Variants in BMPR1B observed in about 807,000 individuals in gnomAD.
BMPR1B encodes bone morphogenetic protein receptor type 1B, also known as bone morphogenetic protein receptor type-1B.
A neutral mutation model predicts 59.1 loss-of-function variants in BMPR1B; 12 were observed. The observed-to-expected ratio is 0.20, with a 90% CI of 0.13 to 0.33. The LOEUF is 0.33. Ranked by LOEUF, BMPR1B falls within the 10% of genes least tolerant of loss-of-function variation. The pLI is 1.00. For synonymous variants in BMPR1B, 237 were observed against 207.3 expected (o/e 1.14, Z -1.23); for missense variants, 550 against 610.9 (o/e 0.90, Z 1.05).
chr4:94,970,276 CT>C, intron 2 of BMPR1B, among the ~76,000 whole-genome samples: 2 of 114,812 alleles, frequency 1.7e-5, no homozygotes, highest in African/African-American at 3.2e-5. Context: ...CTTCTCTTCT[CT>C]TCTCTTCTCT....
chr4:94,987,062 AAT>A lies in BMPR1B; in HGVS notation c.-112-8972_-112-8971del, dbSNP rs1395939190. On this transcript the variant is annotated intron_variant, in intron 2 of 12. Coordinates refer to ENST00000515059, the MANE Select transcript of BMPR1B (RefSeq NM_001203.3). Reference sequence around the variant, plus strand: ...TCTCAAAAAAAATATATATATATATAATATATAATATTTATGTTATATATGTA... The same window carrying A: ...TCTCAAAAAAAATATATATATATATAATATAATATTTATGTTATATATGTA... Among the ~76,000 whole-genome samples the A allele has an allele frequency of 2.5e-4, 37 of 146,008 alleles. No individual in the cohort carries two copies. In the South Asian group the frequency reaches 7.2e-3, roughly 28 times the overall value.
intron 3 of BMPR1B, among the ~76,000 whole-genome samples, chr4:95,015,579 G>A (rs182770639): frequency 4.8e-4 from 73 of 152,088 alleles, no homozygotes; most frequent in African/African-American, 1.6e-3. Flanking sequence ...TAGAGATAGG[G>A]TCTCACTGTG....
At chr4:95,046,125 G>A (rs570684062) in intron 3 of BMPR1B, among the ~76,000 whole-genome samples, 14 of 151,806 alleles carry the variant, frequency 9.2e-5, no homozygotes, top group Admixed American at 2.0e-4. Context: ...GGCTAGTCTC[G>A]AACCCCTGGG....
At chr4:95,056,377 A>G (rs919126357) in intron 3 of BMPR1B, among the ~76,000 whole-genome samples, 1 of 152,182 alleles carries the variant, frequency 6.6e-6, no homozygotes, top group Admixed American at 6.5e-5. Flanking sequence ...ACTCTGCTTG[A>G]TACTATCTCT....
At chr4:95,043,161 G>A (rs995467675) in intron 3 of BMPR1B, among the ~76,000 whole-genome samples, 2 of 111,280 alleles carry the variant, frequency 1.8e-5, no homozygotes, top group Non-Finnish European at 3.3e-5. Context: ...CGGCCTGGGC[G>A]ACAGAGCGAG....
intron 3 of BMPR1B, among the ~76,000 whole-genome samples, chr4:95,094,426 A>AGGTTTTCAGCT (rs1730219833): frequency 6.6e-6 from 1 of 152,072 alleles, no homozygotes; most frequent in Non-Finnish European, 1.5e-5. Context: ...GGAAAAGATA[A>AGGTTTTCAGCT]TAGGGGAGAA....
At chr4:95,090,162 T>C (rs924331047) in intron 3 of BMPR1B, among the ~76,000 whole-genome samples, 1 of 152,086 alleles carries the variant, frequency 6.6e-6, no homozygotes, top group Non-Finnish European at 1.5e-5. Flanking sequence ...ATACATATCC[T>C]ATGCATATTT....
At chr4:94,850,623 T>C (rs750545173) in intron 1 of BMPR1B, among the ~76,000 whole-genome samples, 2 of 152,198 alleles carry the variant, frequency 1.3e-5, no homozygotes, top group African/African-American at 4.8e-5. Flanking sequence ...ATTGAATTTC[T>C]ATCCTTCATC....
intron 3 of BMPR1B, among the ~76,000 whole-genome samples, chr4:95,042,914 G>A (rs368894064): frequency 2.0e-5 from 3 of 152,028 alleles, no homozygotes; most frequent in Admixed American, 6.5e-5. Flanking sequence ...GGTGGCTCAC[G>A]CCTGTAATCC....
chr4:94,995,438 C>T (rs1721998208), intron 2 of BMPR1B, among the ~76,000 whole-genome samples: 1 of 151,992 alleles, frequency 6.6e-6, no homozygotes, highest in African/African-American at 2.4e-5. Flanking sequence ...CATTGAGAAG[C>T]AATATTAAAA....
intron 1 of BMPR1B, among the ~76,000 whole-genome samples, chr4:94,810,270 A>G (rs767483413): frequency 5.9e-5 from 9 of 152,238 alleles, no homozygotes; most frequent in Admixed American, 1.3e-4. Flanking sequence ...TATTGGCTAT[A>G]TCCTGTCTTT....
chr4:95,040,081 C>T (rs1192006593), intron 3 of BMPR1B, among the ~76,000 whole-genome samples: 2 of 151,746 alleles, frequency 1.3e-5, no homozygotes, highest in Non-Finnish European at 2.9e-5. Flanking sequence ...ACTGATATTT[C>T]GTAGCACTGT....
chr4:94,835,980 A>G (rs185430262), intron 1 of BMPR1B, among the ~76,000 whole-genome samples: 8,296 of 141,004 alleles, frequency 0.059, 676 homozygotes, highest in African/African-American at 0.18. Context: ...TCATTGTTCA[A>G]TTCCCACCTA....
intron 1 of BMPR1B, among the ~76,000 whole-genome samples, chr4:94,837,127 T>C (rs953145283): frequency 3.4e-5 from 5 of 145,684 alleles, no homozygotes; most frequent in African/African-American, 1.0e-4. Flanking sequence ...TATCTCTGTT[T>C]TGGTACCAGT....
intron 2 of BMPR1B, among the ~76,000 whole-genome samples, chr4:94,967,343 C>T (rs533017541): frequency 5.1e-4 from 77 of 152,234 alleles, no homozygotes; most frequent in African/African-American, 1.8e-3. Flanking sequence ...GTCACAAATA[C>T]GACCCTGTTG....
intron 10 of BMPR1B, among the ~76,000 whole-genome samples, chr4:95,143,816 A>G (rs1030845107): frequency 1.3e-5 from 2 of 152,162 alleles, no homozygotes; most frequent in Admixed American, 6.5e-5. Context: ...TGGGAATTCA[A>G]AGGAGTTGTG....
chr4:94,797,677 C>T (rs1455492400), intron 1 of BMPR1B, among the ~76,000 whole-genome samples: 3 of 152,256 alleles, frequency 2.0e-5, no homozygotes, highest in Admixed American at 6.5e-5. Flanking sequence ...GTGGAATTTG[C>T]GTGTGTGTTT....
chr4:95,014,300 A>C (rs1723425881), intron 3 of BMPR1B, among the ~76,000 whole-genome samples: 1 of 152,226 alleles, frequency 6.6e-6, no homozygotes, highest in South Asian at 2.1e-4. Context: ...CAAACTCAGA[A>C]GTTAGACTAT....
chr4:94,958,756 A>T (rs1730250098), intron 2 of BMPR1B, among the ~76,000 whole-genome samples: 1 of 152,094 alleles, frequency 6.6e-6, no homozygotes, highest in Non-Finnish European at 1.5e-5. Flanking sequence ...TATTATGAGG[A>T]TGCTCTCATG....
Sources: gnomAD v4.1 joint callset for allele counts (sites outside exome capture counted in the v4.1 genomes callset) on GRCh38, gnomAD v4.1.1 for gene constraint, MANE v1.5 for transcripts, NCBI Gene and HGNC (gene_info 2026-07-23, HGNC 2026-07-21) for gene names.